DUSP14: variants seen among roughly 807,000 people sequenced by gnomAD.
DUSP14 encodes dual specificity phosphatase 14, also known as dual specificity protein phosphatase 14.
A neutral mutation model predicts 13.2 loss-of-function variants in DUSP14; 5 were observed. That is an observed-to-expected ratio of 0.38 (90% CI 0.20 to 0.80). DUSP14 has a LOEUF of 0.80. Among genes scored for constraint, DUSP14 ranks in the 30% least tolerant of loss-of-function variants. The probability of loss-of-function intolerance (pLI) is 0.44; values close to 1 mark genes in which losing one functional copy is unlikely to be tolerated. For missense variants in DUSP14, 185 were observed against 264.0 expected (o/e 0.70, Z 2.07); for synonymous variants, 91 against 103.4 (o/e 0.88, Z 0.73).
At chr17:37,501,415 G>A (rs1229857799) in intron 1 of DUSP14, among the ~76,000 whole-genome samples, 1 of 152,178 alleles carries the variant, frequency 6.6e-6, no homozygotes, top group Non-Finnish European at 1.5e-5. Flanking sequence ...AGGTGGTATT[G>A]ATGCTGCTGG....
intron 2 of DUSP14, among the ~76,000 whole-genome samples, chr17:37,511,585 C>CCTTTTTTTTTT (rs1207586646): frequency 2.3e-5 from 2 of 87,312 alleles, no homozygotes; most frequent in African/African-American, 1.0e-4. Flanking sequence ...CTGGCCTTTC[C>CCTTTTTTTTTT]TTTTTTTTTT....
intron 1 of DUSP14, among the ~76,000 whole-genome samples, chr17:37,494,593 G>A (rs1430394750): frequency 3.3e-5 from 5 of 152,214 alleles, no homozygotes; most frequent in Non-Finnish European, 5.9e-5. Flanking sequence ...AAGTGTGTGT[G>A]TGAGAGAGAG....
chr17:37,509,240 ACAC>A (rs2054162440), intron 1 of DUSP14, among the ~76,000 whole-genome samples: 1 of 57,898 alleles, frequency 1.7e-5, no homozygotes, highest in South Asian at 6.7e-4. Context: ...CACTATATAC[ACAC>A]TATATATATA....
intron 1 of DUSP14, among the ~76,000 whole-genome samples, chr17:37,501,871 A>G (rs976319610): frequency 1.3e-5 from 2 of 152,290 alleles, no homozygotes; most frequent in Non-Finnish European, 1.5e-5. Context: ...TATACAATCT[A>G]TAAAACAACT....
At chr17:37,502,495 T>C (rs2054111937) in intron 1 of DUSP14, among the ~76,000 whole-genome samples, 2 of 152,066 alleles carry the variant, frequency 1.3e-5, no homozygotes, top group South Asian at 2.1e-4. Context: ...AAAATGACTA[T>C]TTGTATTGTA....
intron 2 of DUSP14, among the ~76,000 whole-genome samples, chr17:37,511,830 C>G (rs2054188755): frequency 6.7e-6 from 1 of 149,990 alleles, no homozygotes; most frequent in Admixed American, 6.7e-5. Context: ...CCAGGCTGGT[C>G]TTCTGGTCTT....
At chr17:37,502,033 C>G (rs2054108624) in intron 1 of DUSP14, among the ~76,000 whole-genome samples, 2 of 152,130 alleles carry the variant, frequency 1.3e-5, no homozygotes, top group South Asian at 4.1e-4. Context: ...TGTGTCATTT[C>G]TGTTAGATGA....
intron 2 of DUSP14, among the ~76,000 whole-genome samples, chr17:37,511,449 T>A (rs1783180572): frequency 6.6e-6 from 1 of 151,786 alleles, no homozygotes; most frequent in South Asian, 2.1e-4. Context: ...CTCAGCTAAT[T>A]TTTGTATTTT....
At chr17:37,500,639 C>T (rs1249868692) in intron 1 of DUSP14, among the ~76,000 whole-genome samples, 3 of 152,192 alleles carry the variant, frequency 2.0e-5, no homozygotes, top group Admixed American at 1.3e-4. Context: ...AACAGTTTAT[C>T]ATTTAACCAA....
chr17:37,490,572 GTGGATTGTATAAC>G (rs1231820540), intron 1 of DUSP14, among the ~76,000 whole-genome samples: 1 of 152,190 alleles, frequency 6.6e-6, no homozygotes, highest in African/African-American at 2.4e-5. Flanking sequence ...GCCGCCTTAA[GTGGATTGTATAAC>G]TGTATTTTAT....
chr17:37,503,105 A>C (rs1289201208), intron 1 of DUSP14, among the ~76,000 whole-genome samples: 1 of 151,800 alleles, frequency 6.6e-6, no homozygotes, highest in Non-Finnish European at 1.5e-5. Context: ...CATCAGCCCC[A>C]CTGTTGGATG....
At position 37,512,531 on chromosome 17, in the gene DUSP14, G is replaced by A. The variant is rs1448619546; in HGVS notation, c.259G>A (p.Gly87Arg). ...PLADMPHAPI[G>R]LYFDTVADKI... Reference sequence around the variant, plus strand: ...GGCTGACATGCCGCATGCCCCCATTGGACTGTACTTTGACACCGTGGCTGA... The same window carrying A: ...GGCTGACATGCCGCATGCCCCCATTAGACTGTACTTTGACACCGTGGCTGA... The change falls in exon 3 of 3, where the codon GGA becomes AGA. Residue 87 changes from glycine (G) to arginine (R), a missense_variant. By Grantham distance (125) the Gly-to-Arg change is moderately radical. Coordinates refer to ENST00000617516, the MANE Select transcript of DUSP14 (RefSeq NM_007026.4). This position sits in a 1 kb window ranked among gnomAD's most constrained non-coding sequence, Gnocchi z 4.8. The A allele has an allele frequency of 1.2e-6, 2 of 1,614,140 alleles. No homozygotes were observed. Among genetic ancestry groups the A allele is most frequent in the South Asian group, 1.1e-5 (1 of 91,070 alleles).
At chr17:37,497,284 G>A (rs900535486) in intron 1 of DUSP14, among the ~76,000 whole-genome samples, 7 of 151,894 alleles carry the variant, frequency 4.6e-5, no homozygotes, top group African/African-American at 1.2e-4. Flanking sequence ...CTGGGATTAC[G>A]GGCACATGCC....
At chr17:37,490,187 C>G (rs950148703) in intron 1 of DUSP14, among the ~76,000 whole-genome samples, 2 of 150,592 alleles carry the variant, frequency 1.3e-5, no homozygotes, top group Admixed American at 1.3e-4. Context: ...CGCACCCTCG[C>G]CGGCCCTGAG....
At chr17:37,502,347 A>ATTTT (rs916192784) in intron 1 of DUSP14, among the ~76,000 whole-genome samples, 2 of 139,960 alleles carry the variant, frequency 1.4e-5, no homozygotes, top group South Asian at 2.3e-4. Flanking sequence ...ATGCCCAGCA[A>ATTTT]TTTTTTTTTT....
intron 1 of DUSP14, among the ~76,000 whole-genome samples, chr17:37,503,155 T>G (rs554564297): frequency 6.6e-6 from 1 of 152,138 alleles, no homozygotes; most frequent in Non-Finnish European, 1.5e-5. Context: ...CTGGCCACAG[T>G]GGCTTATGCC....
intron 1 of DUSP14, among the ~76,000 whole-genome samples, chr17:37,509,131 A>ATATATATATATATG (rs1568204446): frequency 3.8e-5 from 1 of 26,574 alleles, no homozygotes; most frequent in Admixed American, 5.8e-4. Flanking sequence ...ATATATATAC[A>ATATATATATATATG]CACACACACA....
chr17:37,503,520 G>C (rs1322400599), intron 1 of DUSP14, among the ~76,000 whole-genome samples: 1 of 152,200 alleles, frequency 6.6e-6, no homozygotes, highest in Admixed American at 6.5e-5. Context: ...TGCAGCAGTT[G>C]GAACAACACT....
intron 2 of DUSP14, among the ~76,000 whole-genome samples, chr17:37,511,938 C>CATTTTTTTTTTTTTTTTTTTTT (rs1568206074): frequency 2.6e-5 from 1 of 38,248 alleles, no homozygotes; most frequent in Non-Finnish European, 4.6e-5. Context: ...CCCCACCCCA[C>CATTTTTTTTTTTTTTTTTTTTT]TTTTTTTTTT....
Sources: gnomAD v4.1 joint callset for allele counts (sites outside exome capture counted in the v4.1 genomes callset) on GRCh38, gnomAD v4.1.1 for gene constraint, Gnocchi (gnomAD v3.1) non-coding constraint, MANE v1.5 for transcripts, NCBI Gene and HGNC (gene_info 2026-07-23, HGNC 2026-07-21) for gene names.